Variants in TRDN observed in about 807,000 individuals in gnomAD.
TRDN encodes the protein triadin.
In TRDN, 161 loss-of-function variants were observed where a neutral mutation model predicts 149.7. That is an observed-to-expected ratio of 1.08 (90% CI 0.95 to 1.23). The LOEUF (loss-of-function observed/expected upper bound fraction) is 1.23, where lower values mean the gene tolerates loss of function less well. TRDN is among the 50% of genes most tolerant of loss of function. TRDN has a pLI of 0.00. For missense variants in TRDN, 896 were observed against 823.5 expected, an observed-to-expected ratio of 1.09 and a Z score of -1.08; for synonymous variants, 294 against 250.5, an observed-to-expected ratio of 1.17 and a Z score of -1.64.
At chr6:123,584,154 T>A (rs1281148573) in intron 1 of TRDN, among the ~76,000 whole-genome samples, 1 of 152,020 alleles carries the variant, frequency 6.6e-6, no homozygotes, top group African/African-American at 2.4e-5. Context: ...GGGTGTGGTA[T>A]CAGGAATAAT....
intron 24 of TRDN, among the ~76,000 whole-genome samples, chr6:123,282,955 T>G (rs540722147): frequency 8.6e-5 from 13 of 151,998 alleles, no homozygotes; most frequent in African/African-American, 2.9e-4. Context: ...TAATACAAGA[T>G]AATAATTTGG....
Position 123,381,366 on chromosome 6 carries a change from T to G in TRDN, c.1186+4A>C, listed in dbSNP as rs764237746. On this transcript the variant is annotated splice_donor_region_variant and intron_variant, in intron 16 of 40. Transcript: ENST00000334268. Reference sequence around the variant, plus strand: ...ACACAAATACACTGCATGCATTTCCTTACTTTTTCCCTTGGGTTGTTCTAC... The same window carrying G: ...ACACAAATACACTGCATGCATTTCCGTACTTTTTCCCTTGGGTTGTTCTAC... The G allele has an allele frequency of 1.3e-6, 2 of 1,556,270 alleles. No individual in the cohort carries two copies. Among genetic ancestry groups the G allele is most frequent in the Non-Finnish European group, 1.7e-6 (2 of 1,148,934 alleles).
At chr6:123,507,236 T>C (rs1778971491) in intron 7 of TRDN, among the ~76,000 whole-genome samples, 1 of 152,210 alleles carries the variant, frequency 6.6e-6, no homozygotes, top group Admixed American at 6.5e-5. Context: ...AGCTATCTAC[T>C]CCTTGTAAGT....
chr6:123,514,514 T>C (rs1562358072), intron 6 of TRDN, among the ~76,000 whole-genome samples: 1 of 152,014 alleles, frequency 6.6e-6, no homozygotes, highest in Non-Finnish European at 1.5e-5. Context: ...CATGCATACA[T>C]ACATACATGA....
chr6:123,529,257 G>A (rs1432698962), intron 5 of TRDN: 14 of 1,548,852 alleles, frequency 9.0e-6, no homozygotes, highest in Admixed American at 3.9e-5. Flanking sequence ...GTCATGGTTC[G>A]CTTAGTCAAT....
Position 123,574,247 on chromosome 6 carries a change from C to A in TRDN, c.23-3115G>T, listed in dbSNP as rs141724264. Among the ~76,000 whole-genome samples, 578 of 151,632 alleles carry A rather than the reference C, an allele frequency of 3.8e-3. 5 individuals are homozygous for A. Among genetic ancestry groups the A allele is most frequent in the African/African-American group, 0.013 (543 of 41,414 alleles). ...ACAATAGTGACAACAAATCTCTTTT[C>A]GGAAAAAAAACTGTGGAATACATAT... On this transcript the variant is annotated intron_variant, in intron 1 of 40. Coordinates refer to ENST00000334268, the MANE Select transcript of TRDN (RefSeq NM_006073.4).
chr6:123,503,386 A>C lies in TRDN; in HGVS notation c.793+333T>G, dbSNP rs530104776. The C allele has an allele frequency of 2.3e-4, 224 of 985,346 alleles. No homozygotes were observed. In the African/African-American group the frequency reaches 3.7e-3, roughly 16 times the overall value. The allele number at this position is 985,346 out of a possible 1,614,324, so 61.0% of individuals were successfully genotyped here. Reference sequence around the variant, plus strand: ...CACTTTCCTCCAAAGAGTATGACACATACAATCTTTATTCCACCTCTTAAT... The same window carrying C: ...CACTTTCCTCCAAAGAGTATGACACCTACAATCTTTATTCCACCTCTTAAT... On this transcript the variant is annotated intron_variant, in intron 8 of 40. Transcript: ENST00000334268.
chr6:123,570,459 T>C (rs1782511531), intron 2 of TRDN, among the ~76,000 whole-genome samples: 1 of 152,158 alleles, frequency 6.6e-6, no homozygotes, highest in Admixed American at 6.5e-5. Context: ...AGCAAAGAGT[T>C]TGTCTGGCAA....
intron 29 of TRDN, 95 bp downstream of exon 29, chr6:123,272,869 C>T: frequency 3.3e-6 from 3 of 921,222 alleles, no homozygotes; most frequent in East Asian, 2.9e-5. Context: ...ATGAATTGTC[C>T]CAAATAACTT....
Position 123,499,116 on chromosome 6 carries a change from C to G in TRDN, c.794-1864G>C, listed in dbSNP as rs868024930. 9.9e-5 allele frequency among the ~76,000 whole-genome samples: 15 copies of G among 152,146 alleles called. No individual in the cohort carries two copies. The South Asian group carries it at 1.2e-3, about 13-fold the overall frequency. ...ATTCCTTTTTCCCAAAATAATTACT[C>G]TTAGAGGCACTATAGACTCCCATGA... On this transcript the variant is annotated intron_variant, in intron 8 of 40. Transcript: ENST00000334268.
intron 20 of TRDN, among the ~76,000 whole-genome samples, chr6:123,358,729 T>A (rs1019318408): frequency 6.6e-5 from 10 of 152,246 alleles, no homozygotes; most frequent in African/African-American, 1.9e-4. Flanking sequence ...GTGATTCACC[T>A]GCCTCGGCCT....
intron 38 of TRDN, among the ~76,000 whole-genome samples, chr6:123,237,582 C>T (rs985964849): frequency 6.6e-6 from 1 of 152,138 alleles, no homozygotes; most frequent in African/African-American, 2.4e-5. Flanking sequence ...TTACTAATTC[C>T]AGTTTTTGTG....
chr6:123,218,886 T>A, intron 40 of TRDN, 146 bp from the exon 41 acceptor site: 1 of 786,352 alleles, frequency 1.3e-6, no homozygotes. Flanking sequence ...TCACTGTGTC[T>A]TGGAGTCTTT....
chr6:123,400,105 T>C (rs1278614154), intron 12 of TRDN, among the ~76,000 whole-genome samples: 1 of 149,284 alleles, frequency 6.7e-6, no homozygotes, highest in African/African-American at 2.5e-5. Flanking sequence ...GTAATGATTT[T>C]AAAAGTCAAG....
intron 9 of TRDN, chr6:123,488,664 T>C (rs1414248088): frequency 6.6e-6 from 1 of 152,084 alleles, no homozygotes; most frequent in Non-Finnish European, 1.5e-5. Context: ...TTGATCTTTT[T>C]AATTTCATTC....
rs1278321814 is a variant in TRDN at position 123,322,931 on chromosome 6, G to A, written c.1472-6436C>T. ...TGGGATTATAGGCATAAGCCACCGC[G>A]CTTGGCCTGTCCCACCTTTTTTCAC... On this transcript the variant is annotated intron_variant, in intron 23 of 40. Coordinates refer to ENST00000334268, the MANE Select transcript of TRDN (RefSeq NM_006073.4). Among the ~76,000 whole-genome samples the A allele has an allele frequency of 2.0e-5, 3 of 152,132 alleles. No individual in the cohort carries two copies. The East Asian group carries it at 5.8e-4, about 29-fold the overall frequency.
intron 38 of TRDN, among the ~76,000 whole-genome samples, chr6:123,243,948 G>A (rs1356813545): frequency 6.6e-6 from 1 of 152,078 alleles, no homozygotes; most frequent in Admixed American, 6.6e-5. Flanking sequence ...TCCAGTCACA[G>A]GAGAAAACTA....
intron 35 of TRDN, among the ~76,000 whole-genome samples, chr6:123,258,523 T>C (rs914624540): frequency 6.6e-6 from 1 of 152,198 alleles, no homozygotes; most frequent in Non-Finnish European, 1.5e-5. Flanking sequence ...AATGTGCTGC[T>C]GGATTCGGAT....
intron 23 of TRDN, among the ~76,000 whole-genome samples, chr6:123,327,080 C>T (rs530397723): frequency 3.3e-5 from 5 of 151,992 alleles, no homozygotes; most frequent in Admixed American, 6.6e-5. Context: ...TTTCTTTTTG[C>T]GCAAATATGA....
Sources: gnomAD v4.1 joint callset for allele counts (sites outside exome capture counted in the v4.1 genomes callset) on GRCh38, gnomAD v4.1.1 for gene constraint, MANE v1.5 for transcripts, NCBI Gene and HGNC (gene_info 2026-07-23, HGNC 2026-07-21) for gene names.